Variants in KLF10 observed in about 807,000 individuals in gnomAD.
The protein encoded by KLF10 is KLF transcription factor 10.
In KLF10, 17 loss-of-function variants were observed where a neutral mutation model predicts 31.6. That is an observed-to-expected ratio of 0.54 (90% CI 0.37 to 0.81). The LOEUF is 0.81. KLF10 is among the 30% of genes least tolerant of loss of function. KLF10 has a pLI of 0.00. For missense variants in KLF10, 525 were observed against 598.1 expected (o/e 0.88, Z 1.27); for synonymous variants, 239 against 215.1 (o/e 1.11, Z -0.97).
chr8:102,655,470 G>C (rs1563962343), intron 1 of KLF10, 96 bp downstream of exon 1: 1 of 1,486,378 alleles, frequency 6.7e-7, no homozygotes, highest in East Asian at 2.3e-5. Context: ...CCAATTCTCA[G>C]GCATGGCTGA....
Position 102,651,983 on chromosome 8 carries a change from C to T in KLF10, c.349G>A (p.Val117Ile), listed in dbSNP as rs780336275. ...SNLMAPAPST[V>I]HFKSLSDTAK... ...GTATCTGAGAGTGACTTGAAGTGTACAGTAGATGGCGCTGGTGCCATCAGA... is the reference window on the plus strand; with the variant it reads ...GTATCTGAGAGTGACTTGAAGTGTATAGTAGATGGCGCTGGTGCCATCAGA... The change falls in exon 3 of 4, where the codon GTA becomes ATA. Residue 117 changes from valine to isoleucine, a missense_variant. Physicochemically the swap from Val to Ile is conservative, Grantham distance 29 (BLOSUM62 3). Around this residue, in one of 3 missense-constraint regions of KLF10, gnomAD observed 434 missense variants for 450.7 expected, o/e 0.96. Transcript: ENST00000285407. 1.9e-6 allele frequency: 3 copies of T among 1,613,924 alleles called. No homozygotes were observed. Among genetic ancestry groups the T allele is most frequent in the Admixed American group, 3.3e-5 (2 of 60,002 alleles).
At chr8:102,655,413 G>A (rs986637115) in intron 1 of KLF10, among the ~76,000 whole-genome samples, 153 bp downstream of exon 1, 5 of 152,120 alleles carry the variant, frequency 3.3e-5, no homozygotes, top group African/African-American at 1.2e-4. Flanking sequence ...AATGCCCATA[G>A]TCTGCAGGCA....
chr8:102,653,866 C>G, intron 1 of KLF10: 1 of 577,362 alleles, frequency 1.7e-6, no homozygotes, highest in Non-Finnish European at 2.0e-6. Flanking sequence ...GAAGCGCGGG[C>G]GGAGGCGCGG....
chr8:102,655,488 G>A, intron 1 of KLF10, 78 bp downstream of exon 1: 1 of 1,566,298 alleles, frequency 6.4e-7, no homozygotes, highest in East Asian at 2.2e-5. Flanking sequence ...TGATGTCCGG[G>A]GCTCGGGGTT....
At chr8:102,653,406 G>T (rs1563961123) in intron 1 of KLF10, 4 of 1,366,494 alleles carry the variant, frequency 2.9e-6, no homozygotes, top group Non-Finnish European at 3.9e-6. Context: ...CTTATTTGTA[G>T]AACTACCTAA....
Position 102,649,608 on chromosome 8 carries a change from C to T in KLF10, c.*524G>A, listed in dbSNP as rs1018977745. 1.3e-5 allele frequency: 2 copies of T among 158,484 alleles called. No homozygotes were observed. Among genetic ancestry groups the T allele is most frequent in the African/African-American group, 4.8e-5 (2 of 41,458 alleles). 9.8% of individuals were successfully genotyped at this position (158,484 alleles called of 1,614,324 possible). The stretch of plus-strand genomic sequence containing the variant: ...TAGTTCTAGATATATTTAATCACTA[C>T]ATCCACGATGTTGACTGGAAAGACT... On this transcript the variant is annotated 3_prime_UTR_variant, in exon 4 of 4. Coordinates refer to ENST00000285407, the MANE Select transcript of KLF10 (RefSeq NM_005655.4).
chr8:102,655,466 C>T (rs2131086494), intron 1 of KLF10, 100 bp downstream of exon 1: 4 of 1,466,704 alleles, frequency 2.7e-6, no homozygotes, highest in South Asian at 1.1e-5. Context: ...AGCCCCAATT[C>T]TCAGGCATGG....
At chr8:102,653,967 G>A (rs1312490007) in intron 1 of KLF10, 23 of 985,788 alleles carry the variant, frequency 2.3e-5, no homozygotes, top group Non-Finnish European at 2.8e-5. Flanking sequence ...ACCTCAATGA[G>A]GCTCACGGGT....
chr8:102,653,856 G>T, intron 1 of KLF10: 1 of 932,640 alleles, frequency 1.1e-6, no homozygotes, highest in East Asian at 1.1e-4. Flanking sequence ...GCAGGAAAGG[G>T]AAGCGCGGGC....
intron 1 of KLF10, among the ~76,000 whole-genome samples, chr8:102,653,003 T>C (rs1827253690): frequency 6.6e-6 from 1 of 152,210 alleles, no homozygotes; most frequent in East Asian, 1.9e-4. Flanking sequence ...AAAGTCACTT[T>C]GCACTTTGGG....
rs1176812336 is a variant in KLF10, at chr8:102,651,924, C to G, written c.408G>C (p.Glu136Asp). 1 of 1,614,040 alleles carries G rather than the reference C, an allele frequency of 6.2e-7. No individual in the cohort carries two copies. Among genetic ancestry groups the G allele is most frequent in the Non-Finnish European group, 8.5e-7 (1 of 1,180,022 alleles). The change falls in exon 3 of 4, where the codon GAG (glutamate) becomes GAC (aspartate). Residue 136 changes from glutamate to aspartate, a missense_variant. Glu to Asp is a conservative substitution (Grantham distance 45). This residue lies in a region of KLF10 where 434 missense variants were observed against 450.7 expected (regional missense o/e 0.96). Coordinates refer to ENST00000285407, the MANE Select transcript of KLF10 (RefSeq NM_005655.4). ...AKPHIAAPFK[E>D]EEKSPVSAPK... The stretch of plus-strand genomic sequence containing the variant: ...GGGCAGATACTGGGCTCTTTTCTTC[C>G]TCTTTGAAAGGTGCGGCAATGTGAG...
intron 1 of KLF10, among the ~76,000 whole-genome samples, chr8:102,654,584 C>G: frequency 6.6e-6 from 1 of 152,028 alleles, no homozygotes. Context: ...CTCGGCACTT[C>G]CCGCCCACGC....
chr8:102,653,766 C>A (rs1277820506), intron 1 of KLF10: 79 of 1,104,336 alleles, frequency 7.2e-5, no homozygotes, highest in Admixed American at 1.9e-4. Flanking sequence ...AAAAGAAAGG[C>A]AGGCGGCAGG....
intron 1 of KLF10, 91 bp downstream of exon 1, chr8:102,655,475 G>C: frequency 6.6e-7 from 1 of 1,512,872 alleles, no homozygotes; most frequent in Non-Finnish European, 9.2e-7. Flanking sequence ...TCTCAGGCAT[G>C]GCTGATGTCC....
intron 1 of KLF10, 121 bp downstream of exon 1, chr8:102,655,445 G>A (rs2131086478): frequency 7.7e-7 from 1 of 1,290,376 alleles, no homozygotes; most frequent in Non-Finnish European, 1.1e-6. Context: ...CCTTCCCCAC[G>A]ACTCCGCTGC....
chr8:102,651,451 G>C lies in KLF10; in HGVS notation c.881C>G (p.Pro294Arg), dbSNP rs928669898. ...PVVTTVVPSTPPSQPPAVCPP... is the reference protein window; with the variant it reads ...PVVTTVVPSTRPSQPPAVCPP... ...GCAAACGGCTGGTGGCTGGCTGGGA[G>C]GAGTGCTGGGAACGACTGTTGTCAC... Residue 294 changes from proline to arginine, a missense_variant, in exon 3 of 4, where the codon CCT becomes CGT. Physicochemically the swap from Pro to Arg is moderately radical, Grantham distance 103. Around this residue, in one of 3 missense-constraint regions of KLF10, gnomAD observed 434 missense variants for 450.7 expected, o/e 0.96. Coordinates refer to ENST00000285407, the MANE Select transcript of KLF10 (RefSeq NM_005655.4). The C allele has an allele frequency of 1.2e-6, 2 of 1,614,012 alleles. No homozygotes were observed. Among genetic ancestry groups the C allele is most frequent in the Non-Finnish European group, 1.7e-6 (2 of 1,179,944 alleles).
intron 1 of KLF10, chr8:102,654,104 G>C (rs578161857): frequency 3.4e-6 from 1 of 297,874 alleles, no homozygotes; most frequent in Admixed American, 6.5e-5. Context: ...GGGCGAGGAG[G>C]GGGCGAGGCA....
At chr8:102,653,751 A>G (rs1214376000) in intron 1 of KLF10, 11 of 1,134,166 alleles carry the variant, frequency 9.7e-6, no homozygotes, top group Non-Finnish European at 1.1e-5. Flanking sequence ...ATGCAAAAAA[A>G]GGAAAAAAGA....
At chr8:102,653,646 T>C in intron 1 of KLF10, 2 of 1,323,752 alleles carry the variant, frequency 1.5e-6, no homozygotes, top group Non-Finnish European at 1.9e-6. Context: ...CCATTGCTCT[T>C]GAAATATCGC....
Sources: gnomAD v4.1 joint callset for allele counts (sites outside exome capture counted in the v4.1 genomes callset) on GRCh38, gnomAD v4.1.1 for gene constraint, gnomAD v4.1.1 regional missense constraint, MANE v1.5 for transcripts, NCBI Gene and HGNC (gene_info 2026-07-23, HGNC 2026-07-21) for gene names.